The following PCCA variants were observed in gnomAD, a reference collection of about 807,000 sequenced individuals.
PCCA encodes propionyl-CoA carboxylase subunit alpha, also known as propionyl-CoA carboxylase alpha chain, mitochondrial.
PCCA carries 74 observed loss-of-function variants against 101.3 expected under a neutral mutation model. The observed-to-expected ratio is 0.73, with a 90% CI of 0.61 to 0.89. The LOEUF (loss-of-function observed/expected upper bound fraction) is 0.89. Among genes scored for constraint, PCCA ranks in the 40% least tolerant of loss-of-function variants. The pLI, the probability that PCCA is intolerant of heterozygous loss-of-function variation, is 0.00. For synonymous variants in PCCA, 294 were observed against 313.6 expected (o/e 0.94, Z 0.66); for missense variants, 891 against 907.0 (o/e 0.98, Z 0.23).
rs1252906825 is a variant in PCCA at position 100,302,451 on chromosome 13, C to T, written c.1210-473C>T. Among the ~76,000 whole-genome samples the T allele has an allele frequency of 2.6e-5, 4 of 151,816 alleles. 1 individual carries two copies. Among genetic ancestry groups the T allele is most frequent in the East Asian group, 3.9e-4 (2 of 5,168 alleles). On this transcript the variant is annotated intron_variant, in intron 13 of 23. Transcript: ENST00000376285. ...TTATTCTGATGATCTAAGATATTTACAAATGAAGTGCATATCTAGTAGCGT... is the reference window on the plus strand; with the variant it reads ...TTATTCTGATGATCTAAGATATTTATAAATGAAGTGCATATCTAGTAGCGT...
chr13:100,311,227 C>T (rs1043952605), intron 16 of PCCA, among the ~76,000 whole-genome samples: 24 of 143,424 alleles, frequency 1.7e-4, no homozygotes, highest in Admixed American at 1.2e-3. Context: ...AGTGAGAGTC[C>T]GTCTCAATGA....
intron 21 of PCCA, among the ~76,000 whole-genome samples, chr13:100,465,499 TATC>T (rs1233892028): frequency 6.6e-6 from 1 of 152,368 alleles, no homozygotes; most frequent in East Asian, 1.9e-4. Flanking sequence ...TAAGTTTACT[TATC>T]ATCTGTATAA....
intron 1 of PCCA, among the ~76,000 whole-genome samples, chr13:100,092,010 T>G (rs1178203805): frequency 1.3e-5 from 2 of 152,024 alleles, no homozygotes; most frequent in Non-Finnish European, 2.9e-5. Context: ...AACCTCCACC[T>G]CCTGGGTTCA....
At position 100,463,633 on chromosome 13, in the gene PCCA, CAAG is replaced by C. The variant is rs564143119; in HGVS notation, c.1899+14336_1899+14338del. On this transcript the variant is annotated intron_variant, in intron 21 of 23. Coordinates refer to ENST00000376285, the MANE Select transcript of PCCA (RefSeq NM_000282.4). ...TAAGGGAAATTTCTGGTCTGGAGAG[CAAG>C]AAGAAGATTAAGAGTGAGCACGTAA... Among the ~76,000 whole-genome samples the C allele has an allele frequency of 1.6e-4, 25 of 152,144 alleles. No individual in the cohort carries two copies. In the East Asian group the frequency reaches 3.7e-3, roughly 22 times the overall value.
intron 21 of PCCA, among the ~76,000 whole-genome samples, chr13:100,461,579 C>T (rs2082167080): frequency 6.6e-6 from 1 of 152,216 alleles, no homozygotes; most frequent in Non-Finnish European, 1.5e-5. Flanking sequence ...TAAGCAGTCC[C>T]TCAACTGACA....
At chr13:100,244,708 G>A (rs1236638109) in intron 8 of PCCA, among the ~76,000 whole-genome samples, 1 of 152,072 alleles carries the variant, frequency 6.6e-6, no homozygotes, top group African/African-American at 2.4e-5. Flanking sequence ...CAGAGTTAGG[G>A]ATCTAGTATT....
intron 19 of PCCA, among the ~76,000 whole-genome samples, chr13:100,412,623 G>A (rs919375311): frequency 1.3e-5 from 2 of 152,144 alleles, no homozygotes; most frequent in Non-Finnish European, 2.9e-5. Flanking sequence ...TGTATACTCT[G>A]TACAAGTGCA....
chr13:100,361,962 C>T (rs1376051502), intron 18 of PCCA, among the ~76,000 whole-genome samples: 2 of 152,116 alleles, frequency 1.3e-5, no homozygotes, highest in African/African-American at 2.4e-5. Context: ...TCTACAGTGG[C>T]TTTGTTTATA....
At chr13:100,311,720 A>G (rs753271626) in intron 16 of PCCA, among the ~76,000 whole-genome samples, 3 of 152,212 alleles carry the variant, frequency 2.0e-5, no homozygotes, top group Non-Finnish European at 2.9e-5. Flanking sequence ...CAGTGAGATG[A>G]GATCGCGCCA....
intron 19 of PCCA, among the ~76,000 whole-genome samples, chr13:100,410,242 T>C (rs72658581): frequency 0.021 from 3,157 of 152,210 alleles, 54 homozygotes; most frequent in Non-Finnish European, 0.034. Flanking sequence ...TGTTGTTGTT[T>C]TGTTTTGTTT....
intron 16 of PCCA, among the ~76,000 whole-genome samples, chr13:100,328,781 C>T (rs1381131995): frequency 3.4e-5 from 5 of 148,986 alleles, no homozygotes; most frequent in African/African-American, 4.9e-5. Context: ...GCAACCTCCA[C>T]CTCCCAGGTT....
chr13:100,263,415 TAGAAA>T (rs2062662744), intron 10 of PCCA, among the ~76,000 whole-genome samples: 1 of 152,208 alleles, frequency 6.6e-6, no homozygotes, highest in African/African-American at 2.4e-5. Context: ...AATGTCAAAT[TAGAAA>T]TAATGAATTT....
At chr13:100,307,989 G>A (rs2066597237) in intron 15 of PCCA, among the ~76,000 whole-genome samples, 1 of 152,124 alleles carries the variant, frequency 6.6e-6, no homozygotes, top group Non-Finnish European at 1.5e-5. Flanking sequence ...CTCCTGAGTA[G>A]CTGGGTGGCT....
chr13:100,432,696 GGTGAA>G (rs1423244491), intron 20 of PCCA, among the ~76,000 whole-genome samples: 2 of 152,152 alleles, frequency 1.3e-5, no homozygotes, highest in Admixed American at 6.5e-5. Flanking sequence ...GGGATTGAAG[GGTGAA>G]GTGGAGATGG....
At chr13:100,305,932 A>G (rs1486456442) in intron 14 of PCCA, 1 of 328,026 alleles carries the variant, frequency 3.0e-6, no homozygotes, top group Admixed American at 4.5e-5. Flanking sequence ...GCTTGCAAAT[A>G]CAGAAATAAA....
chr13:100,345,261 G>T (rs1418625999), intron 18 of PCCA, among the ~76,000 whole-genome samples: 1 of 152,200 alleles, frequency 6.6e-6, no homozygotes, highest in Non-Finnish European at 1.5e-5. Flanking sequence ...GGTTAGCCAA[G>T]TTGTGAATGC....
At chr13:100,449,184 C>A in intron 20 of PCCA, 68 bp from the exon 21 acceptor site, 4 of 945,998 alleles carry the variant, frequency 4.2e-6, no homozygotes, top group Non-Finnish European at 4.9e-6. Flanking sequence ...GGTTTTTTGG[C>A]TATCGTGAAC....
intron 22 of PCCA, among the ~76,000 whole-genome samples, chr13:100,527,100 G>A (rs1042065786): frequency 6.6e-6 from 1 of 151,640 alleles, no homozygotes; most frequent in African/African-American, 2.4e-5. Context: ...ATTTGGTGGT[G>A]GTTTTTTTTT....
At chr13:100,134,939 AC>A (rs1214108911) in intron 4 of PCCA, among the ~76,000 whole-genome samples, 2 of 148,290 alleles carry the variant, frequency 1.3e-5, no homozygotes, top group African/African-American at 2.5e-5. Context: ...ACAGGGTCTT[AC>A]TGTGTTGCCC....
Sources: gnomAD v4.1 joint callset for allele counts (sites outside exome capture counted in the v4.1 genomes callset) on GRCh38, gnomAD v4.1.1 for gene constraint, MANE v1.5 for transcripts, NCBI Gene and HGNC (gene_info 2026-07-23, HGNC 2026-07-21) for gene names.